The following PPL variants were observed in gnomAD, a reference collection of about 807,000 sequenced individuals.
The protein encoded by PPL is 190 kDa paraneoplastic pemphigus antigen.
PPL carries 198 observed loss-of-function variants against 194.4 expected under a neutral mutation model. The ratio of observed to expected loss-of-function variants is 1.02; its 90% CI spans 0.91 to 1.15. The LOEUF (loss-of-function observed/expected upper bound fraction) is 1.15, where lower values mean the gene tolerates loss of function less well. PPL is among the 50% of genes most tolerant of loss of function. PPL has a pLI of 0.00. For missense variants in PPL, 2,885 were observed against 2,294.8 expected (o/e 1.26, Z -5.25); for synonymous variants, 1,220 against 972.4 (o/e 1.25, Z -4.74).
At chr16:4,901,685 T>C (rs992977999) in intron 4 of PPL, among the ~76,000 whole-genome samples, 1 of 144,982 alleles carries the variant, frequency 6.9e-6, no homozygotes, top group African/African-American at 2.6e-5. Context: ...TGAGACCTTG[T>C]GTCAAAAATA....
chr16:4,888,227 G>C lies in PPL; in HGVS notation c.2398-9C>G, dbSNP rs1366413386. The C allele has an allele frequency of 3.2e-6, 5 of 1,570,438 alleles. No homozygotes were observed. The highest frequency in any genetic ancestry group is 4.4e-6 in the Non-Finnish European group (5 of 1,140,516). On this transcript the variant is annotated splice_polypyrimidine_tract_variant and intron_variant, in intron 19 of 21. Coordinates refer to ENST00000345988, the MANE Select transcript of PPL (RefSeq NM_002705.5). Reference sequence around the variant, plus strand: ...GCTTCTAACTCATAGTCCTGCATGAGGGAGAGACATGGCAGAGGGGAGATT... The same window carrying C: ...GCTTCTAACTCATAGTCCTGCATGACGGAGAGACATGGCAGAGGGGAGATT...
chr16:4,902,193 CG>C lies in PPL; in HGVS notation c.438+212del, dbSNP rs1568018705. On this transcript the variant is annotated intron_variant, in intron 4 of 21. Transcript: ENST00000345988. This position sits in a 1 kb window ranked among gnomAD's most constrained non-coding sequence, Gnocchi z 4.0. ...GGTGTGGCTGACAGGGGACAGAGTC[CG>C]AATCTCCACCGCTTGAGCTGTGTGA... Among the ~76,000 whole-genome samples the C allele has an allele frequency of 1.3e-5, 2 of 151,992 alleles. No individual in the cohort carries two copies.
intron 1 of PPL, among the ~76,000 whole-genome samples, chr16:4,921,309 C>A (rs749262133): frequency 6.6e-6 from 1 of 152,354 alleles, no homozygotes; most frequent in Non-Finnish European, 1.5e-5. Context: ...CTTCCTGGGT[C>A]TGAGCCCGCA....
At chr16:4,917,121 G>C (rs965916500) in intron 1 of PPL, among the ~76,000 whole-genome samples, 2 of 151,902 alleles carry the variant, frequency 1.3e-5, no homozygotes, top group African/African-American at 2.4e-5. Context: ...GATGGAGCAA[G>C]ACTCCATCTC....
At chr16:4,913,996 G>C (rs1252399126) in intron 1 of PPL, among the ~76,000 whole-genome samples, 1 of 152,234 alleles carries the variant, frequency 6.6e-6, no homozygotes, top group African/African-American at 2.4e-5. Flanking sequence ...GGCTGGGGAT[G>C]CCCAGGGGAA....
chr16:4,882,559 T>G lies in PPL; in HGVS notation c.*825A>C, dbSNP rs7214. On this transcript the variant is annotated 3_prime_UTR_variant, in exon 22 of 22. Transcript: ENST00000345988. ...GGTTTATTTTCATGCTATAAATAAA[T>G]TTCCCTATTAGTTCCCATTTTCTTA... The G allele has an allele frequency of 0.53, 81,008 of 151,892 alleles. 23,657 individuals carry two copies. The highest frequency in any genetic ancestry group is 0.78 in the African/African-American group (32,440 of 41,374). The allele number at this position is 151,892 out of a possible 1,614,324, so 9.4% of individuals were successfully genotyped here. A position where few individuals can be genotyped will look rare whatever the true frequency, so the allele number is the denominator to read the frequency against.
At chr16:4,917,016 C>A (rs536698724) in intron 1 of PPL, among the ~76,000 whole-genome samples, 5 of 151,990 alleles carry the variant, frequency 3.3e-5, no homozygotes, top group Admixed American at 3.3e-4. Flanking sequence ...CCTGTAATCC[C>A]ATCTATTCGG....
rs192291909 is a variant in PPL at position 4,887,244 on chromosome 16, T to C, written c.2515-17A>G. On this transcript the variant is annotated splice_polypyrimidine_tract_variant and intron_variant, in intron 20 of 21. Coordinates refer to ENST00000345988, the MANE Select transcript of PPL (RefSeq NM_002705.5). Reference sequence around the variant, plus strand: ...TGCTGCTTCCTGCAGAGAAGAGGATTAGGAGAGCGGTCAACAAACAGGTGT... The same window carrying C: ...TGCTGCTTCCTGCAGAGAAGAGGATCAGGAGAGCGGTCAACAAACAGGTGT... 8.1e-6 allele frequency: 13 copies of C among 1,597,598 alleles called. No homozygotes were observed. In the East Asian group the frequency reaches 2.0e-4, roughly 25 times the overall value.
At chr16:4,887,943 C>T (rs1406227812) in intron 20 of PPL, among the ~76,000 whole-genome samples, 159 bp downstream of exon 20, 1 of 152,230 alleles carries the variant, frequency 6.6e-6, no homozygotes, top group Admixed American at 6.5e-5. Context: ...GAACAAGTTC[C>T]TCATCTCTTA....
chr16:4,902,493 C>G lies in PPL; in HGVS notation c.351G>C (p.Leu117=). The G allele has an allele frequency of 6.2e-7, 1 of 1,613,856 alleles. No homozygotes were observed. The highest frequency in any genetic ancestry group is 8.5e-7 in the Non-Finnish European group (1 of 1,179,896). The change falls in exon 4 of 22, where the codon CTG becomes CTC. Residue 117 remains leucine (L), a synonymous_variant. Transcript: ENST00000345988. The surrounding 1 kb of genome is among the most constrained non-coding windows in gnomAD (Gnocchi z 4.0). ...TGTAGATCTGCTTGTGTTTCCCGCG[C>G]AGGTTGGTCACACGCTCCTTCAGCT... ...IRQLKERVTN[L]RGKHKQIYRL... is the part of the protein sequence containing the mutation.
chr16:4,907,758 G>T (rs1033388478), intron 2 of PPL, among the ~76,000 whole-genome samples: 2 of 152,156 alleles, frequency 1.3e-5, no homozygotes, highest in Admixed American at 6.6e-5. Context: ...ACTGGGAAAT[G>T]AAATAAATAG....
At chr16:4,932,249 A>T (rs17631921) in intron 1 of PPL, among the ~76,000 whole-genome samples, 4,037 of 131,160 alleles carry the variant, frequency 0.031, 73 homozygotes, top group Middle Eastern at 0.051. Context: ...GGCTCACAGT[A>T]TGTGCCTGAG....
intron 1 of PPL, among the ~76,000 whole-genome samples, chr16:4,912,308 G>A (rs1341078982): frequency 6.6e-6 from 1 of 152,204 alleles, no homozygotes; most frequent in Non-Finnish European, 1.5e-5. Flanking sequence ...CACACAACAC[G>A]TGGCCTTTTG....
chr16:4,931,230 T>C (rs1482799136), intron 1 of PPL, among the ~76,000 whole-genome samples: 3 of 151,966 alleles, frequency 2.0e-5, no homozygotes, highest in Non-Finnish European at 1.5e-5. Flanking sequence ...GGCACGGTGG[T>C]GTGCACACCT....
At position 4,925,460 on chromosome 16, in the gene PPL, T is replaced by G. The variant is rs10163248; in HGVS notation, c.62+11524A>C. Among the ~76,000 whole-genome samples, 1,006 of 152,328 alleles carry G rather than the reference T, an allele frequency of 6.6e-3. 11 individuals carry two copies. The highest frequency in any genetic ancestry group is 0.023 in the African/African-American group (968 of 41,572). ...TTGTGCATCACCCATTGACGTCTCA[T>G]AGCCCTAGGAAGTAGCCACCCTTAG... On this transcript the variant is annotated intron_variant, in intron 1 of 21. Coordinates refer to ENST00000345988, the MANE Select transcript of PPL (RefSeq NM_002705.5).
At chr16:4,904,310 C>T (rs2088638788) in intron 2 of PPL, among the ~76,000 whole-genome samples, 1 of 152,216 alleles carries the variant, frequency 6.6e-6, no homozygotes, top group South Asian at 2.1e-4. Context: ...GCTCAAGTAC[C>T]TACTGTATGC....
intron 12 of PPL, chr16:4,893,921 G>A (rs956904740): frequency 6.1e-6 from 3 of 495,274 alleles, no homozygotes; most frequent in Non-Finnish European, 1.1e-5. Flanking sequence ...CACAGTAGGT[G>A]CTCAATAAAT....
chr16:4,925,018 G>A (rs1370393687), intron 1 of PPL, among the ~76,000 whole-genome samples: 3 of 152,184 alleles, frequency 2.0e-5, no homozygotes, highest in African/African-American at 4.8e-5. Flanking sequence ...CTCCCTGCCT[G>A]GCCAGGGCCA....
chr16:4,885,719 C>A lies in PPL; in HGVS notation c.2936G>T (p.Arg979Leu). 2.5e-6 allele frequency: 4 copies of A among 1,613,328 alleles called. No individual in the cohort carries two copies. Among genetic ancestry groups the A allele is most frequent in the Non-Finnish European group, 3.4e-6 (4 of 1,179,960 alleles). Residue 979 changes from arginine (R) to leucine (L), a missense_variant, in exon 22 of 22, where the codon CGT (arginine) becomes CTT (leucine). Transcript: ENST00000345988. This position sits in a 1 kb window ranked among gnomAD's most constrained non-coding sequence, Gnocchi z 6.3. ...EELEALQLQL[R>L]ALEQETRDGG... ...GTCTCTGGTCTCCTGCTCCAGGGCA[C>A]GCAGCTGCAGCTGCAGTGCCTCCAG...
Sources: allele counts gnomAD v4.1 joint callset (sites outside exome capture counted in the v4.1 genomes callset), GRCh38; gene constraint gnomAD v4.1.1; non-coding constraint Gnocchi (gnomAD v3.1); transcripts MANE v1.5; gene names NCBI Gene and HGNC (gene_info 2026-07-23, HGNC 2026-07-21).